The following MLC1 variants were observed in gnomAD, a reference collection of about 807,000 sequenced individuals.
The protein encoded by MLC1 is membrane protein MLC1.
MLC1 carries 32 observed loss-of-function variants against 44.7 expected under a neutral mutation model. The observed-to-expected ratio is 0.72, with a 90% CI of 0.54 to 0.96. The LOEUF (loss-of-function observed/expected upper bound fraction) is 0.96, where lower values mean the gene tolerates loss of function less well. Among genes scored for constraint, MLC1 ranks in the 40% least tolerant of loss-of-function variants. The pLI, the probability that MLC1 is intolerant of heterozygous loss-of-function variation, is 0.00. For missense variants in MLC1, 459 were observed against 492.2 expected (o/e 0.93, Z 0.64); for synonymous variants, 190 against 213.0 (o/e 0.89, Z 0.94).
chr22:50,068,488 G>A lies in MLC1; in HGVS notation c.839C>T (p.Ser280Leu), dbSNP rs121908341. The A allele has an allele frequency of 2.5e-6, 4 of 1,613,930 alleles. No homozygotes were observed. Among genetic ancestry groups the A allele is most frequent in the South Asian group, 1.1e-5 (1 of 91,054 alleles). ...PLLFTASGYL[S>L]FSIMRIVEMF... Reference sequence around the variant, plus strand: ...CTCCACGATTCTCATGATGCTGAATGACAGATATCCAGAGGCTGTGAACAG... The same window carrying A: ...CTCCACGATTCTCATGATGCTGAATAACAGATATCCAGAGGCTGTGAACAG... Residue 280 changes from serine to leucine, a missense_variant, in exon 10 of 12, where the codon TCA (serine) becomes TTA (leucine). Physicochemically the swap from Ser to Leu is moderately radical, Grantham distance 145. Coordinates refer to ENST00000311597, the MANE Select transcript of MLC1 (RefSeq NM_015166.4).
At chr22:50,066,486 C>T (rs2061705043) in intron 10 of MLC1, among the ~76,000 whole-genome samples, 1 of 152,074 alleles carries the variant, frequency 6.6e-6, no homozygotes, top group African/African-American at 2.4e-5. Flanking sequence ...ATAGTGAAAC[C>T]CTGTCTCTGC....
rs376331873 is a variant in MLC1 at position 50,068,516 on chromosome 22, G to T, written c.811C>A (p.Leu271Met). The change falls in exon 10 of 12, where the codon CTG becomes ATG. Residue 271 changes from leucine (L) to methionine (M), a missense_variant. Leu to Met is a conservative substitution (Grantham distance 15). Transcript: ENST00000311597. ...LIAISSLTSP[L>M]LFTASGYLSF... is the part of the protein sequence containing the mutation. Reference sequence around the variant, plus strand: ...AGATATCCAGAGGCTGTGAACAGCAGCGGAGACGTGAGGCTGCTTATGGCA... The same window carrying T: ...AGATATCCAGAGGCTGTGAACAGCATCGGAGACGTGAGGCTGCTTATGGCA... 3 of 1,613,766 alleles carry T rather than the reference G, an allele frequency of 1.9e-6. No individual in the cohort carries two copies. Among genetic ancestry groups the T allele is most frequent in the Non-Finnish European group, 2.5e-6 (3 of 1,179,864 alleles).
Position 50,076,977 on chromosome 22 carries a change from T to C in MLC1, c.526-65A>G, listed in dbSNP as rs1443095522. On this transcript the variant is annotated intron_variant, in intron 6 of 11. Coordinates refer to ENST00000311597, the MANE Select transcript of MLC1 (RefSeq NM_015166.4). ...CAGGGACTCAGCACTGCCGCTGGCA[T>C]CCGGCCGCCGTGGGCAGTGGGTCAG... 1.8e-5 allele frequency: 29 copies of C among 1,581,560 alleles called. 1 individual carries two copies. In the East Asian group the frequency reaches 6.0e-4, roughly 33 times the overall value.
intron 2 of MLC1, among the ~76,000 whole-genome samples, chr22:50,084,327 G>A (rs1052964060): frequency 2.0e-5 from 3 of 152,108 alleles, no homozygotes; most frequent in Admixed American, 1.3e-4. Flanking sequence ...CTAGGAGGAG[G>A]AGGTCCCTGA....
At chr22:50,082,827 G>A (rs1401254064) in intron 3 of MLC1, among the ~76,000 whole-genome samples, 1 of 152,064 alleles carries the variant, frequency 6.6e-6, no homozygotes, top group Non-Finnish European at 1.5e-5. Flanking sequence ...ACCGCGCCCA[G>A]CTAATTTTTG....
At chr22:50,078,117 G>A (rs919601720) in intron 5 of MLC1, among the ~76,000 whole-genome samples, 5 of 151,058 alleles carry the variant, frequency 3.3e-5, no homozygotes, top group East Asian at 2.0e-4. Flanking sequence ...TCAGCCTCCC[G>A]AGTAAGCTGG....
At chr22:50,078,297 T>A (rs752314463) in intron 5 of MLC1, among the ~76,000 whole-genome samples, 1 of 151,554 alleles carries the variant, frequency 6.6e-6, no homozygotes, top group Non-Finnish European at 1.5e-5. Context: ...GGCCTGACAA[T>A]TTTTAAAATA....
rs1467500848 is a variant in MLC1 at position 50,083,700 on chromosome 22, A to C, written c.178-527T>G. 1.3e-5 allele frequency among the ~76,000 whole-genome samples: 2 copies of C among 152,080 alleles called. No homozygotes were observed. The highest frequency in any genetic ancestry group is 2.9e-5 in the Non-Finnish European group (2 of 67,992). On this transcript the variant is annotated intron_variant, in intron 2 of 11. Transcript: ENST00000311597. This position sits in a 1 kb window ranked among gnomAD's most constrained non-coding sequence, Gnocchi z 4.6. ...GCAGGGAGGGTGCTCTCTCTCACGC[A>C]CAGCACTGCAGGGGTGCGGTGGGGA...
chr22:50,072,429 G>A (rs1029244260), intron 8 of MLC1, among the ~76,000 whole-genome samples: 2 of 152,210 alleles, frequency 1.3e-5, no homozygotes, highest in South Asian at 2.1e-4. Flanking sequence ...ATGCCTCAGC[G>A]CTCTCCTCTC....
chr22:50,061,685 T>A, intron 11 of MLC1, 28 bp from the exon 12 acceptor site: 3 of 1,598,362 alleles, frequency 1.9e-6, no homozygotes, highest in Middle Eastern at 1.7e-4. Flanking sequence ...AAGGTGTTAC[T>A]TCACCAGGGC....
intron 9 of MLC1, among the ~76,000 whole-genome samples, chr22:50,070,087 A>T (rs558090659): frequency 6.6e-6 from 1 of 152,216 alleles, no homozygotes; most frequent in East Asian, 1.9e-4. Context: ...CTATAATCCC[A>T]GCTACTCAGG....
intron 10 of MLC1, among the ~76,000 whole-genome samples, chr22:50,064,733 C>T (rs748932543): frequency 4.6e-5 from 7 of 152,098 alleles, no homozygotes; most frequent in African/African-American, 7.2e-5. Flanking sequence ...ATGGAGGGAG[C>T]GGCCGAGGAT....
rs2061559218 is a variant in MLC1, at chr22:50,061,584, C to T, written c.1133G>A (p.Ter378=). The change falls in exon 12 of 12, where the codon TGA becomes TAA. Residue 378 remains the stop codon, a stop_retained_variant. Transcript: ENST00000311597. ...WRAVVVQMAQ[*] ...CCACCCGGTTTCCGCGTCTGGGGGT[C>T]ACTGGGCCATTTGCACCACGACGGC... 6.2e-7 allele frequency: 1 copy of T among 1,613,742 alleles called. No homozygotes were observed. Among genetic ancestry groups the T allele is most frequent in the South Asian group, 1.1e-5 (1 of 91,074 alleles).
chr22:50,084,910 G>A lies in MLC1; in HGVS notation c.-8C>T. ...GAATGGCTCCTGGGTCATGGCACTT[G>A]GGGACACCACAGCTGTGCTGAATGT... is the stretch of plus-strand genomic sequence containing the variant. On this transcript the variant is annotated 5_prime_UTR_variant, in exon 2 of 12. Transcript: ENST00000311597. 1 of 1,610,372 alleles carries A rather than the reference G, an allele frequency of 6.2e-7. No individual in the cohort carries two copies. Among genetic ancestry groups the A allele is most frequent in the South Asian group, 1.1e-5 (1 of 91,076 alleles).
At chr22:50,085,171 A>G (rs1480661346) in intron 1 of MLC1, 184 bp downstream of exon 1, 2 of 1,336,932 alleles carry the variant, frequency 1.5e-6, no homozygotes, top group Non-Finnish European at 1.9e-6. Flanking sequence ...GAGATTCTAC[A>G]CTTTAAATGC....
chr22:50,085,245 A>G (rs1433076909), intron 1 of MLC1, 110 bp downstream of exon 1: 3 of 1,217,312 alleles, frequency 2.5e-6, no homozygotes, highest in Non-Finnish European at 3.1e-6. Context: ...AACTTCGTCC[A>G]TGAACACATC....
chr22:50,061,574 G>C lies in MLC1; in HGVS notation c.*9C>G. The stretch of plus-strand genomic sequence containing the variant: ...CTGGGCGCTGCCACCCGGTTTCCGC[G>C]TCTGGGGGTCACTGGGCCATTTGCA... On this transcript the variant is annotated 3_prime_UTR_variant, in exon 12 of 12. Coordinates refer to ENST00000311597, the MANE Select transcript of MLC1 (RefSeq NM_015166.4). The C allele has an allele frequency of 6.2e-7, 1 of 1,613,452 alleles. No homozygotes were observed. The highest frequency in any genetic ancestry group is 8.5e-7 in the Non-Finnish European group (1 of 1,179,868).
chr22:50,076,321 T>C (rs2061979475), intron 7 of MLC1, among the ~76,000 whole-genome samples: 1 of 151,990 alleles, frequency 6.6e-6, no homozygotes, highest in African/African-American at 2.4e-5. Flanking sequence ...TTGGAAGGCC[T>C]GGGTGGGTGG....
rs1452700087 is a variant in MLC1, at chr22:50,061,395, G to C, written c.*188C>G. 1 of 655,526 alleles carries C rather than the reference G, an allele frequency of 1.5e-6. No homozygotes were observed. Among genetic ancestry groups the C allele is most frequent in the East Asian group, 2.7e-5 (1 of 36,400 alleles). The allele number at this position is 655,526 out of a possible 1,614,324, so 40.6% of individuals were successfully genotyped here. A position where few individuals can be genotyped will look rare whatever the true frequency, so the allele number is the denominator to read the frequency against. On this transcript the variant is annotated 3_prime_UTR_variant, in exon 12 of 12. Coordinates refer to ENST00000311597, the MANE Select transcript of MLC1 (RefSeq NM_015166.4). ...AGCTGACTGATCTCACTGAGGCACAGACTAGCCAACATTGGCCTATTTTAA... is the reference window on the plus strand; with the variant it reads ...AGCTGACTGATCTCACTGAGGCACACACTAGCCAACATTGGCCTATTTTAA...
Sources: gnomAD v4.1 joint callset for allele counts (sites outside exome capture counted in the v4.1 genomes callset) on GRCh38, gnomAD v4.1.1 for gene constraint, Gnocchi (gnomAD v3.1) non-coding constraint, MANE v1.5 for transcripts, NCBI Gene and HGNC (gene_info 2026-07-23, HGNC 2026-07-21) for gene names.